The following ZNF514 variants were observed in gnomAD, a reference collection of about 807,000 sequenced individuals.
ZNF514 encodes the protein zinc finger protein 514.
In ZNF514, 12 loss-of-function variants were observed where a neutral mutation model predicts 9.7. That is an observed-to-expected ratio of 1.24 (90% CI 0.79 to 2.01). The LOEUF (loss-of-function observed/expected upper bound fraction) is 2.01. Among genes scored for constraint, ZNF514 ranks in the 30% most tolerant of loss-of-function variants. The pLI is 0.00. For missense variants in ZNF514, 467 were observed against 465.5 expected (o/e 1.00, Z -0.03); for synonymous variants, 158 against 163.7 (o/e 0.97, Z 0.27).
chr2:95,126,371 CA>C, the ZNF514 span, among the ~76,000 whole-genome samples: 8 of 51,420 alleles, frequency 1.6e-4, no homozygotes, highest in East Asian at 6.8e-4. Context: ...AACTCCATCT[CA>C]AAAAAAAAAA....
chr2:95,136,736 T>C, the ZNF514 span, among the ~76,000 whole-genome samples: 1 of 152,208 alleles, frequency 6.6e-6, no homozygotes, highest in Non-Finnish European at 1.5e-5. Flanking sequence ...CTAATATTTT[T>C]GTTGTTGTTT....
At chr2:95,153,567 G>A in intron 2 of ZNF514, 1 of 200,004 alleles carries the variant, frequency 5.0e-6, no homozygotes, top group Admixed American at 5.6e-5. Context: ...GCCAAATCAA[G>A]TAATCTGGGG....
rs1573372826 is a variant in ZNF514 at position 95,145,925 on chromosome 2, A to G, written c.*3357T>C. ...GTAATGTCCTCTTTAGGCTGCCCCA[A>G]CCTGCTGCTGCTCCTGACAAGAGCC... On this transcript the variant is annotated 3_prime_UTR_variant, in exon 5 of 5. Transcript: ENST00000295208. 6.6e-6 allele frequency among the ~76,000 whole-genome samples: 1 copy of G among 152,152 alleles called. No individual in the cohort carries two copies. Among genetic ancestry groups the G allele is most frequent in the Non-Finnish European group, 1.5e-5 (1 of 68,024 alleles).
In ZNF514 at chr2:95,149,007, G is replaced by A. The variant is rs571771664; in HGVS notation, c.*275C>T. ...TCCTCCCCAGTGTCGGCTGTCTGAT[G>A]CTGAATAATATGCATCCTCTGATCA... On this transcript the variant is annotated 3_prime_UTR_variant, in exon 5 of 5. Transcript: ENST00000295208. 1.8e-5 allele frequency: 7 copies of A among 390,200 alleles called. No homozygotes were observed. In the South Asian group the frequency reaches 4.6e-4, roughly 26 times the overall value. 24.2% of individuals were successfully genotyped at this position (390,200 alleles called of 1,614,324 possible).
At chr2:95,137,969 TC>T in the ZNF514 span, among the ~76,000 whole-genome samples, 1 of 152,152 alleles carries the variant, frequency 6.6e-6, no homozygotes, top group Admixed American at 6.5e-5. Context: ...CCTGCCCCCA[TC>T]AACTCTTTCT....
At chr2:95,130,897 A>G in the ZNF514 span, among the ~76,000 whole-genome samples, 5 of 152,228 alleles carry the variant, frequency 3.3e-5, no homozygotes, top group African/African-American at 9.6e-5. Context: ...TCACAAGGGT[A>G]TTGATTGGGG....
chr2:95,149,113 AC>A lies in ZNF514; in HGVS notation c.*168del, dbSNP rs952014657. ...ATGTTTGGTAAGAGAGGGGAAGCCCACCCCCTCTTGACATTGACAGGGATTC... is the reference window on the plus strand; with the variant it reads ...ATGTTTGGTAAGAGAGGGGAAGCCCACCCCTCTTGACATTGACAGGGATTC... On this transcript the variant is annotated 3_prime_UTR_variant, in exon 5 of 5. Coordinates refer to ENST00000295208, the MANE Select transcript of ZNF514 (RefSeq NM_032788.3). 1.2e-6 allele frequency: 1 copy of A among 814,068 alleles called. No individual in the cohort carries two copies. Among genetic ancestry groups the A allele is most frequent in the Non-Finnish European group, 1.8e-6 (1 of 542,690 alleles). The allele number at this position is 814,068 out of a possible 1,614,324, so 50.4% of individuals were successfully genotyped here.
At chr2:95,144,697 T>C (rs901258238), downstream of ZNF514, among the ~76,000 whole-genome samples, 8 of 152,356 alleles carry the variant, frequency 5.3e-5, no homozygotes, top group African/African-American at 1.9e-4. Context: ...TAGAAAGTTA[T>C]CAACCTGCAG....
In ZNF514 at chr2:95,150,198, T is replaced by G; in HGVS notation, c.287A>C (p.Gln96Pro). 1.2e-6 allele frequency: 2 copies of G among 1,606,536 alleles called. No homozygotes were observed. Among genetic ancestry groups the G allele is most frequent in the East Asian group, 2.2e-5 (1 of 44,808 alleles). Reference protein sequence around the residue: ...SWGISKEELFQVVSVEKHIQD... With the variant: ...SWGISKEELFPVVSVEKHIQD... ...AATGTGTTTTTCCACTGATACTACC[T>G]GGAATAATTCTTCTTTGGAAATTCC... Residue 96 changes from glutamine to proline, a missense_variant, in exon 5 of 5, where the codon CAG (glutamine) becomes CCG (proline). Transcript: ENST00000295208.
the ZNF514 span, among the ~76,000 whole-genome samples, chr2:95,133,491 T>TA: frequency 3.9e-5 from 6 of 152,180 alleles, no homozygotes; most frequent in Non-Finnish European, 8.8e-5. Context: ...GTGGTGTGGC[T>TA]ATTCAAGGGC....
At position 95,149,289 on chromosome 2, in the gene ZNF514, G is replaced by T. The variant is rs538392091; in HGVS notation, c.1196C>A (p.Thr399Asn). The T allele has an allele frequency of 8.6e-5, 135 of 1,570,366 alleles. No homozygotes were observed. The South Asian group carries it at 1.5e-3, about 18-fold the overall frequency. ...KHQRSHAGKK[T>N]L is the part of the protein sequence containing the mutation. ...CTTCTATATTCACTGAATTTATAGG[G>T]TTTTTTTTCCAGCATGACTTCTCTG... The change falls in exon 5 of 5, where the codon ACC becomes AAC. Residue 399 changes from threonine (T) to asparagine (N), a missense_variant. Transcript: ENST00000295208.
chr2:95,130,021 G>A, the ZNF514 span, among the ~76,000 whole-genome samples: 10 of 152,066 alleles, frequency 6.6e-5, no homozygotes, highest in Admixed American at 3.3e-4. Context: ...GGAGGATATC[G>A]GGGGACCTGC....
rs1201044762 is a variant in ZNF514 at position 95,159,713 on chromosome 2, TCCGCCCCGCGC to T, written c.-580_-570del. ...CGTCCGCCCCGCGCCAGCCCCCGCG[TCCGCCCCGCGC>T]CAGCCCCCGCGTCCGCCCCGCGCCA... On this transcript the variant is annotated 5_prime_UTR_variant, in exon 1 of 5. Transcript: ENST00000295208. The T allele has an allele frequency of 8.7e-5, 11 of 127,132 alleles. No homozygotes were observed. Among genetic ancestry groups the T allele is most frequent in the African/African-American group, 3.0e-4 (10 of 33,834 alleles). 7.9% of individuals were successfully genotyped at this position (127,132 alleles called of 1,614,324 possible).
the ZNF514 span, among the ~76,000 whole-genome samples, chr2:95,126,184 A>G: frequency 2.0e-5 from 3 of 152,188 alleles, no homozygotes; most frequent in East Asian, 5.8e-4. Context: ...CAGCCTGGCT[A>G]ACATGGTGAA....
At chr2:95,156,964 G>T (rs190596066) in intron 2 of ZNF514, among the ~76,000 whole-genome samples, 2 of 152,194 alleles carry the variant, frequency 1.3e-5, no homozygotes, top group Non-Finnish European at 2.9e-5. Flanking sequence ...CGTGAACCTC[G>T]ATGGAAAGGC....
Position 95,149,504 on chromosome 2 carries a change from C to T in ZNF514, c.981G>A (p.Gln327=). 1 of 1,613,808 alleles carries T rather than the reference C, an allele frequency of 6.2e-7. No individual in the cohort carries two copies. Among genetic ancestry groups the T allele is most frequent in the African/African-American group, 1.3e-5 (1 of 74,874 alleles). ...ECRECGRTFS[Q]SSSLIVHYRF... ...TGTAATGCACAATGAGTGATGAGCTCTGGCTGAAGGTTCTCCCACATTCCC... is the reference window on the plus strand; with the variant it reads ...TGTAATGCACAATGAGTGATGAGCTTTGGCTGAAGGTTCTCCCACATTCCC... The change falls in exon 5 of 5, where the codon CAG becomes CAA. Residue 327 remains glutamine, a synonymous_variant. Coordinates refer to ENST00000295208, the MANE Select transcript of ZNF514 (RefSeq NM_032788.3).
In ZNF514 at chr2:95,145,249, A is replaced by AT. The variant is rs572994019; in HGVS notation, c.*4032dup. ...ACCTGAAACACTAGCTCAGGCCATG[A>AT]TGGGAATGGGTGGTCAGACATACCT... On this transcript the variant is annotated 3_prime_UTR_variant, in exon 5 of 5. Transcript: ENST00000295208. Among the ~76,000 whole-genome samples, 4 of 152,316 alleles carry AT rather than the reference A, an allele frequency of 2.6e-5. No individual in the cohort carries two copies. The highest frequency in any genetic ancestry group is 5.9e-5 in the Non-Finnish European group (4 of 68,036).
downstream of ZNF514, among the ~76,000 whole-genome samples, chr2:95,142,111 C>G (rs1460089926): frequency 6.6e-6 from 1 of 152,156 alleles, no homozygotes; most frequent in East Asian, 1.9e-4. Flanking sequence ...GTTGTTACAT[C>G]AGAACATGCT....
chr2:95,149,103 G>T lies in ZNF514; in HGVS notation c.*179C>A. Reference sequence around the variant, plus strand: ...GGATTCTCCCATGTTTGGTAAGAGAGGGGAAGCCCACCCCCTCTTGACATT... The same window carrying T: ...GGATTCTCCCATGTTTGGTAAGAGATGGGAAGCCCACCCCCTCTTGACATT... On this transcript the variant is annotated 3_prime_UTR_variant, in exon 5 of 5. Coordinates refer to ENST00000295208, the MANE Select transcript of ZNF514 (RefSeq NM_032788.3). 1 of 727,342 alleles carries T rather than the reference G, an allele frequency of 1.4e-6. No individual in the cohort carries two copies. Among genetic ancestry groups the T allele is most frequent in the Non-Finnish European group, 2.1e-6 (1 of 467,768 alleles). The allele number at this position is 727,342 out of a possible 1,614,324, so 45.1% of individuals were successfully genotyped here.
Sources: gnomAD v4.1 joint callset for allele counts (sites outside exome capture counted in the v4.1 genomes callset) on GRCh38, gnomAD v4.1.1 for gene constraint, MANE v1.5 for transcripts, NCBI Gene and HGNC (gene_info 2026-07-23, HGNC 2026-07-21) for gene names.